The following CDH12 variants were observed in gnomAD, a reference collection of about 807,000 sequenced individuals.
CDH12 encodes the protein cadherin 12.
In CDH12, 41 loss-of-function variants were observed where a neutral mutation model predicts 74.1. The ratio of observed to expected loss-of-function variants is 0.55; its 90% CI spans 0.43 to 0.72. CDH12 has a LOEUF of 0.72. CDH12 is among the 30% of genes least tolerant of loss of function. CDH12 has a pLI of 0.00. For synonymous variants in CDH12, 399 were observed against 355.0 expected, an observed-to-expected ratio of 1.12 and a Z score of -1.39; for missense variants, 945 against 977.2, an observed-to-expected ratio of 0.97 and a Z score of 0.44.
At chr5:22,811,919 A>T (rs1481354718) in intron 1 of CDH12, among the ~76,000 whole-genome samples, 1 of 152,192 alleles carries the variant, frequency 6.6e-6, no homozygotes, top group African/African-American at 2.4e-5. Context: ...TCGAAGTTAG[A>T]GAAGACAGCT....
At chr5:21,849,337 A>C (rs1477319544) in intron 7 of CDH12, among the ~76,000 whole-genome samples, 1 of 151,812 alleles carries the variant, frequency 6.6e-6, no homozygotes, top group Non-Finnish European at 1.5e-5. Flanking sequence ...TGATTTCTAA[A>C]ATAAAGCAAA....
intron 8 of CDH12, among the ~76,000 whole-genome samples, chr5:21,837,824 C>A (rs1016253863): frequency 1.3e-5 from 2 of 151,982 alleles, no homozygotes; most frequent in African/African-American, 4.8e-5. Context: ...AATGTGAAAA[C>A]CTCTTCTTTC....
chr5:21,970,839 C>CAAAAAAAAAAAAAAAAAAA lies in CDH12; in HGVS notation c.526+4233_526+4251dup, dbSNP rs1167373938. 7.2e-4 allele frequency among the ~76,000 whole-genome samples: 20 copies of CAAAAAAAAAAAAAAAAAAA among 27,794 alleles called. 4 individuals are homozygous for CAAAAAAAAAAAAAAAAAAA. The highest frequency in any genetic ancestry group is 4.4e-3 in the East Asian group (2 of 458). 18.2% of individuals were successfully genotyped at this position (27,794 alleles called of 152,430 possible). On this transcript the variant is annotated intron_variant, in intron 6 of 14. Transcript: ENST00000382254. ...TGGGCAATAGAGCAAGACTCTTTCTCAAAAAAAAAAAAAAAAAAAAAAAAA... is the reference window on the plus strand; with the variant it reads ...TGGGCAATAGAGCAAGACTCTTTCTCAAAAAAAAAAAAAAAAAAAAAAAAAAAAAAAAAAAAAAAAAAAA...
chr5:21,904,142 A>G lies in CDH12; in HGVS notation c.527-49352T>C, dbSNP rs113250446. ...TGATTTCCTGCCCTAAATTCTGCTA[A>G]TAAACTTCATGTTACATTTTTCCCC... On this transcript the variant is annotated intron_variant, in intron 6 of 14. Transcript: ENST00000382254. 5.9e-4 allele frequency among the ~76,000 whole-genome samples: 90 copies of G among 152,294 alleles called. 1 individual carries two copies. Among genetic ancestry groups the G allele is most frequent in the African/African-American group, 1.9e-3 (79 of 41,568 alleles).
intron 2 of CDH12, among the ~76,000 whole-genome samples, chr5:22,503,907 A>G (rs1736277821): frequency 6.6e-6 from 1 of 152,004 alleles, no homozygotes; most frequent in African/African-American, 2.4e-5. Flanking sequence ...ATCACAGATA[A>G]TACTGAGGTT....
rs1744000220 is a variant in CDH12 at position 21,750,762 on chromosome 5, A to C, written c.*975T>G. The C allele has an allele frequency of 6.6e-6, 1 of 152,114 alleles. No individual in the cohort carries two copies. The highest frequency in any genetic ancestry group is 6.5e-5 in the Admixed American group (1 of 15,270). 9.4% of individuals were successfully genotyped at this position (152,114 alleles called of 1,614,324 possible). A position where few individuals can be genotyped will look rare whatever the true frequency, so the allele number is the denominator to read the frequency against. ...CTCTTTCCATGCTTAAATGAATGGCACTTTTTTCTTCTAAGAATTTTCATA... is the reference window on the plus strand; with the variant it reads ...CTCTTTCCATGCTTAAATGAATGGCCCTTTTTTCTTCTAAGAATTTTCATA... On this transcript the variant is annotated 3_prime_UTR_variant, in exon 15 of 15. Transcript: ENST00000382254.
intron 1 of CDH12, among the ~76,000 whole-genome samples, chr5:22,704,406 A>AT (rs1010374233): frequency 1.9e-4 from 28 of 151,276 alleles, no homozygotes; most frequent in Admixed American, 3.3e-4. Context: ...TTGCAATCAA[A>AT]TTTTTTTTTA....
At chr5:21,872,504 T>C (rs1171544941) in intron 6 of CDH12, among the ~76,000 whole-genome samples, 1 of 152,206 alleles carries the variant, frequency 6.6e-6, no homozygotes, top group Non-Finnish European at 1.5e-5. Flanking sequence ...TGAAATTATT[T>C]TCATACTTGC....
intron 5 of CDH12, among the ~76,000 whole-genome samples, chr5:22,029,979 T>C (rs961038852): frequency 4.0e-5 from 6 of 151,804 alleles, no homozygotes; most frequent in African/African-American, 1.5e-4. Flanking sequence ...TGGATGAAAT[T>C]GGAAATCATC....
intron 1 of CDH12, among the ~76,000 whole-genome samples, chr5:22,672,098 T>C (rs1030572342): frequency 1.2e-5 from 1 of 82,030 alleles, no homozygotes; most frequent in African/African-American, 6.1e-5. Context: ...TTATATATAA[T>C]ATATTATTAT....
At chr5:22,329,846 A>C (rs1739273817) in intron 3 of CDH12, among the ~76,000 whole-genome samples, 1 of 152,170 alleles carries the variant, frequency 6.6e-6, no homozygotes, top group Admixed American at 6.5e-5. Context: ...TATCAGTGGG[A>C]ACTTGAGGTT....
At chr5:22,532,017 G>A (rs945046352) in intron 1 of CDH12, among the ~76,000 whole-genome samples, 3 of 152,080 alleles carry the variant, frequency 2.0e-5, no homozygotes, top group African/African-American at 4.8e-5. Context: ...CTCAAATCCT[G>A]TAAAGTTAGG....
intron 3 of CDH12, among the ~76,000 whole-genome samples, chr5:22,220,838 T>A (rs535454532): frequency 1.3e-5 from 2 of 151,780 alleles, no homozygotes; most frequent in East Asian, 3.9e-4. Flanking sequence ...TACCAATGCC[T>A]TAGGGTTGAC....
At chr5:21,866,313 G>A (rs895331021) in intron 6 of CDH12, among the ~76,000 whole-genome samples, 1 of 152,192 alleles carries the variant, frequency 6.6e-6, no homozygotes. Flanking sequence ...ACAGAAGTTG[G>A]AACAGATTGG....
chr5:22,146,411 C>A (rs1412301853), intron 4 of CDH12, among the ~76,000 whole-genome samples: 2 of 152,014 alleles, frequency 1.3e-5, no homozygotes, highest in African/African-American at 4.8e-5. Flanking sequence ...ATGTTCATAA[C>A]ATTTAACAAC....
chr5:22,022,556 C>T (rs1738059533), intron 5 of CDH12, among the ~76,000 whole-genome samples: 1 of 152,018 alleles, frequency 6.6e-6, no homozygotes, highest in South Asian at 2.1e-4. Flanking sequence ...CATGTGGTAT[C>T]AGCTGATTAT....
At chr5:22,455,876 A>G (rs567955493) in intron 2 of CDH12, among the ~76,000 whole-genome samples, 1 of 152,348 alleles carries the variant, frequency 6.6e-6, no homozygotes, top group East Asian at 1.9e-4. Flanking sequence ...GGAGTAAATG[A>G]TAAGCAATGT....
intron 4 of CDH12, among the ~76,000 whole-genome samples, chr5:22,170,009 A>G (rs2150327168): frequency 6.6e-6 from 1 of 152,056 alleles, no homozygotes; most frequent in Middle Eastern, 3.4e-3. Flanking sequence ...TAATTGAAAT[A>G]AACCACTACA....
At chr5:22,563,917 C>A (rs757435790) in intron 1 of CDH12, among the ~76,000 whole-genome samples, 1 of 152,106 alleles carries the variant, frequency 6.6e-6, no homozygotes, top group Non-Finnish European at 1.5e-5. Flanking sequence ...GAAAGACCTA[C>A]CCCCATGATT....
Sources: allele counts gnomAD v4.1 joint callset (sites outside exome capture counted in the v4.1 genomes callset), GRCh38; gene constraint gnomAD v4.1.1; transcripts MANE v1.5; gene names NCBI Gene and HGNC (gene_info 2026-07-23, HGNC 2026-07-21).